KCNIP1: variants seen among roughly 807,000 people sequenced by gnomAD.
KCNIP1 encodes A-type potassium channel modulatory protein KCNIP1.
A neutral mutation model predicts 33.0 loss-of-function variants in KCNIP1; 18 were observed. The ratio of observed to expected loss-of-function variants is 0.55; its 90% CI spans 0.38 to 0.81. The LOEUF is 0.81. KCNIP1 is among the 30% of genes least tolerant of loss of function. The pLI is 0.00. For synonymous variants in KCNIP1, 93 were observed against 98.3 expected (o/e 0.95, Z 0.32); for missense variants, 238 against 271.6 (o/e 0.88, Z 0.87).
chr5:170,493,557 G>A (rs1347653642), intron 1 of KCNIP1, among the ~76,000 whole-genome samples: 1 of 152,158 alleles, frequency 6.6e-6, no homozygotes, highest in Non-Finnish European at 1.5e-5. Flanking sequence ...CCAGCTGCAG[G>A]TTGGTGAGCC....
At chr5:170,471,901 A>G (rs980259580) in intron 1 of KCNIP1, among the ~76,000 whole-genome samples, 11 of 152,134 alleles carry the variant, frequency 7.2e-5, no homozygotes, top group African/African-American at 2.4e-4. Flanking sequence ...GTCATGATAC[A>G]TTTACTGGTT....
chr5:170,422,445 G>A (rs927147687), intron 1 of KCNIP1: 3 of 152,144 alleles, frequency 2.0e-5, no homozygotes, highest in Non-Finnish European at 4.4e-5. Flanking sequence ...ACTGGCTCAG[G>A]AAGAATTACT....
At chr5:170,581,517 A>G (rs1581355156) in intron 1 of KCNIP1, among the ~76,000 whole-genome samples, 1 of 152,222 alleles carries the variant, frequency 6.6e-6, no homozygotes, top group Non-Finnish European at 1.5e-5. Context: ...TCCAGTGGAC[A>G]TGAGTGAATC....
intron 1 of KCNIP1, among the ~76,000 whole-genome samples, chr5:170,440,949 T>G (rs1042483599): frequency 1.3e-5 from 2 of 152,192 alleles, no homozygotes; most frequent in Non-Finnish European, 2.9e-5. Flanking sequence ...CCCAATGCCC[T>G]GGTTCCCATT....
At chr5:170,383,955 GACT>G in intron 1 of KCNIP1, 1 of 1,200,194 alleles carries the variant, frequency 8.3e-7, no homozygotes, top group Non-Finnish European at 1.2e-6. Flanking sequence ...AGGGATCCAG[GACT>G]GGGATCCTCA....
chr5:170,442,527 G>T (rs1756017445), intron 1 of KCNIP1, among the ~76,000 whole-genome samples: 1 of 152,146 alleles, frequency 6.6e-6, no homozygotes, highest in South Asian at 2.1e-4. Context: ...CGTTCAGGAT[G>T]AGTTTCTCCA....
chr5:170,697,096 T>TA (rs2113828122), intron 1 of KCNIP1, among the ~76,000 whole-genome samples: 1 of 151,670 alleles, frequency 6.6e-6, no homozygotes, highest in African/African-American at 2.4e-5. Flanking sequence ...CACACACACA[T>TA]ACACACACAC....
intron 5 of KCNIP1, among the ~76,000 whole-genome samples, chr5:170,727,346 G>C (rs1316282354): frequency 1.3e-5 from 2 of 152,198 alleles, no homozygotes. Flanking sequence ...GATGTCTTTT[G>C]GTTGTGAAAA....
intron 1 of KCNIP1, among the ~76,000 whole-genome samples, chr5:170,594,876 A>G (rs180832577): frequency 6.6e-5 from 10 of 152,350 alleles, no homozygotes; most frequent in Admixed American, 5.9e-4. Flanking sequence ...TATGGAAAGT[A>G]GGGCCTTCCA....
intron 1 of KCNIP1, among the ~76,000 whole-genome samples, chr5:170,602,906 G>A (rs907461575): frequency 1.3e-5 from 2 of 152,186 alleles, no homozygotes; most frequent in Admixed American, 1.3e-4. Context: ...TGGTCCCAAG[G>A]TTCGGCGCCG....
intron 1 of KCNIP1, among the ~76,000 whole-genome samples, chr5:170,663,423 G>C (rs2202439): frequency 0.66 from 100,768 of 151,986 alleles, 34,802 homozygotes; most frequent in African/African-American, 0.86. Context: ...CTCCACCCAG[G>C]TGCCTCTCCC....
chr5:170,546,755 C>A (rs1263470858), intron 1 of KCNIP1, among the ~76,000 whole-genome samples: 1 of 151,930 alleles, frequency 6.6e-6, no homozygotes, highest in African/African-American at 2.4e-5. Context: ...GGAAGCAATA[C>A]CTTATCTTGT....
At chr5:170,449,189 C>T (rs1375729516) in intron 1 of KCNIP1, among the ~76,000 whole-genome samples, 1 of 152,212 alleles carries the variant, frequency 6.6e-6, no homozygotes, top group Non-Finnish European at 1.5e-5. Context: ...CATTCATACA[C>T]ATTTATTACA....
intron 1 of KCNIP1, among the ~76,000 whole-genome samples, chr5:170,373,968 G>A (rs888591769): frequency 9.2e-5 from 14 of 152,196 alleles, no homozygotes; most frequent in African/African-American, 3.4e-4. Flanking sequence ...TGAGGTACAG[G>A]AAGGTGGCAC....
chr5:170,474,228 A>G (rs1756800326), intron 1 of KCNIP1, among the ~76,000 whole-genome samples: 1 of 152,106 alleles, frequency 6.6e-6, no homozygotes, highest in African/African-American at 2.4e-5. Context: ...TAACGAGACA[A>G]CCTTTACTTA....
intron 1 of KCNIP1, among the ~76,000 whole-genome samples, chr5:170,595,187 G>C (rs565694297): frequency 6.6e-6 from 1 of 152,348 alleles, no homozygotes; most frequent in South Asian, 2.1e-4. Flanking sequence ...TTGGGGACTG[G>C]GGGTGAGGAG....
rs1438213834 is a variant in KCNIP1, at chr5:170,504,567, G to T, written c.-6G>T. On this transcript the variant is annotated 5_prime_UTR_variant, in exon 1 of 8. Transcript: ENST00000328939. The surrounding 1 kb of genome is among the most constrained non-coding windows in gnomAD (Gnocchi z 6.0). Reference sequence around the variant, plus strand: ...GGTCCCAACTCGCACTCAAGTCTTCGCTGCCATGGGGGCCGTCATGGGCAC... The same window carrying T: ...GGTCCCAACTCGCACTCAAGTCTTCTCTGCCATGGGGGCCGTCATGGGCAC... 4 of 1,613,118 alleles carry T rather than the reference G, an allele frequency of 2.5e-6. No homozygotes were observed. The East Asian group carries it at 6.7e-5, about 27-fold the overall frequency.
At chr5:170,634,597 C>G (rs1760211529) in intron 1 of KCNIP1, among the ~76,000 whole-genome samples, 3 of 152,098 alleles carry the variant, frequency 2.0e-5, no homozygotes, top group Non-Finnish European at 4.4e-5. Context: ...CATGAGCTCT[C>G]CCAGGGAGTG....
intron 1 of KCNIP1, among the ~76,000 whole-genome samples, chr5:170,384,443 A>G (rs896827662): frequency 1.3e-5 from 2 of 152,210 alleles, no homozygotes; most frequent in Non-Finnish European, 1.5e-5. Flanking sequence ...GACAGTCTCT[A>G]GATGGTGCTT....
Sources: gnomAD v4.1 joint callset for allele counts (sites outside exome capture counted in the v4.1 genomes callset) on GRCh38, gnomAD v4.1.1 for gene constraint, Gnocchi (gnomAD v3.1) non-coding constraint, MANE v1.5 for transcripts, NCBI Gene and HGNC (gene_info 2026-07-23, HGNC 2026-07-21) for gene names.